Variants in SOCS2 observed in about 807,000 individuals in gnomAD.
SOCS2 encodes CIS-2.
Under a neutral mutation model 18.6 loss-of-function variants are expected in SOCS2, and 10 were observed. That is an observed-to-expected ratio of 0.54 (90% CI 0.33 to 0.91). The LOEUF (loss-of-function observed/expected upper bound fraction) is 0.91. Ranked by LOEUF, SOCS2 falls within the 40% of genes least tolerant of loss-of-function variation. The pLI is 0.02. For synonymous variants in SOCS2, 104 were observed against 104.0 expected (o/e 1.00, Z 0.00); for missense variants, 231 against 247.2 (o/e 0.93, Z 0.44).
chr12:93,614,114 C>G, the SOCS2 span, among the ~76,000 whole-genome samples: 1 of 151,484 alleles, frequency 6.6e-6, no homozygotes, highest in Non-Finnish European at 1.5e-5. Flanking sequence ...TTCATTGATA[C>G]ATGACAGACT....
chr12:93,612,195 T>C, the SOCS2 span, among the ~76,000 whole-genome samples: 33,871 of 152,040 alleles, frequency 0.22, 6,574 homozygotes, highest in African/African-American at 0.51. Context: ...AAAATTTCTC[T>C]GATCTGTCCA....
At chr12:93,608,592 C>T in the SOCS2 span, among the ~76,000 whole-genome samples, 1 of 152,146 alleles carries the variant, frequency 6.6e-6, no homozygotes, top group African/African-American at 2.4e-5. Context: ...ACTTCATATA[C>T]ATGCAGCACT....
chr12:93,614,539 CCTTCTTTCTTTCTTTCTTTCTTTCTTT>C, the SOCS2 span, among the ~76,000 whole-genome samples: 3 of 82,542 alleles, frequency 3.6e-5, no homozygotes, highest in African/African-American at 7.1e-5. Flanking sequence ...TTCCTTCCTT[CCTTCTTTCTTTCTTTCTTTCTTTCTTT>C]CTTTCTTTCT....
the SOCS2 span, among the ~76,000 whole-genome samples, chr12:93,591,337 G>T: frequency 2.6e-5 from 4 of 152,152 alleles, no homozygotes; most frequent in Admixed American, 6.5e-5. Context: ...ACAAGGAACG[G>T]AAATGAATTA....
the SOCS2 span, among the ~76,000 whole-genome samples, chr12:93,612,255 C>T: frequency 6.6e-6 from 1 of 152,220 alleles, no homozygotes; most frequent in Non-Finnish European, 1.5e-5. Context: ...GAATACTCCC[C>T]CTGCCTGAAA....
At chr12:93,573,925 C>T (rs1440420328) in intron 1 of SOCS2, 3 of 152,166 alleles carry the variant, frequency 2.0e-5, no homozygotes, top group Non-Finnish European at 4.4e-5. Flanking sequence ...TCTTAGAAAG[C>T]AGAGTGGGCC....
At chr12:93,586,052 T>C (rs903778893), downstream of SOCS2, among the ~76,000 whole-genome samples, 4 of 152,198 alleles carry the variant, frequency 2.6e-5, no homozygotes, top group African/African-American at 9.7e-5. Context: ...ATTGCTTTTT[T>C]TTCCCTCCCC....
chr12:93,610,881 G>T, the SOCS2 span, among the ~76,000 whole-genome samples: 2 of 152,144 alleles, frequency 1.3e-5, no homozygotes, highest in Non-Finnish European at 2.9e-5. Context: ...AAGTCACCCA[G>T]TCTAAGGTGT....
At chr12:93,572,064 T>G (rs1488244759), upstream of SOCS2, 1 of 196,902 alleles carries the variant, frequency 5.1e-6, no homozygotes, top group East Asian at 1.9e-4. The surrounding 1 kb of genome is among the most constrained non-coding windows in gnomAD (Gnocchi z 5.0). Flanking sequence ...GCAGCCATCC[T>G]GGTCCGGGAG....
At chr12:93,572,384 T>C, upstream of SOCS2, 1 of 328,406 alleles carries the variant, frequency 3.0e-6, no homozygotes, top group Non-Finnish European at 6.0e-6. This position sits in a 1 kb window ranked among gnomAD's most constrained non-coding sequence, Gnocchi z 5.0. Context: ...AGGTGACTAT[T>C]TGCTCTTCCT....
At chr12:93,592,494 G>C in the SOCS2 span, among the ~76,000 whole-genome samples, 2 of 152,154 alleles carry the variant, frequency 1.3e-5, no homozygotes, top group Non-Finnish European at 2.9e-5. Flanking sequence ...CATATATGTT[G>C]AGTACATTCT....
the SOCS2 span, among the ~76,000 whole-genome samples, chr12:93,616,457 G>A: frequency 6.6e-6 from 1 of 152,252 alleles, no homozygotes; most frequent in Non-Finnish European, 1.5e-5. Flanking sequence ...AATTACTGGG[G>A]TTTCTGTTTA....
the SOCS2 span, among the ~76,000 whole-genome samples, chr12:93,618,761 A>T: frequency 6.6e-6 from 1 of 151,936 alleles, no homozygotes; most frequent in African/African-American, 2.4e-5. Context: ...TCTTCACTGT[A>T]TCCAAAGCTA....
At chr12:93,605,633 T>C in the SOCS2 span, among the ~76,000 whole-genome samples, 1 of 152,206 alleles carries the variant, frequency 6.6e-6, no homozygotes, top group African/African-American at 2.4e-5. Context: ...AAAAAGGAAT[T>C]ATGTGAAATG....
the SOCS2 span, among the ~76,000 whole-genome samples, chr12:93,604,580 G>A: frequency 2.0e-5 from 3 of 152,160 alleles, no homozygotes; most frequent in Non-Finnish European, 4.4e-5. Flanking sequence ...ACTTACATTC[G>A]TAAAGTGTTT....
At chr12:93,597,546 C>T in the SOCS2 span, among the ~76,000 whole-genome samples, 3 of 152,150 alleles carry the variant, frequency 2.0e-5, no homozygotes, top group African/African-American at 4.8e-5. Flanking sequence ...AAACTCGTGA[C>T]CTCAAGCGAT....
chr12:93,587,935 G>A (rs975320700), downstream of SOCS2, among the ~76,000 whole-genome samples: 1 of 152,172 alleles, frequency 6.6e-6, no homozygotes, highest in Non-Finnish European at 1.5e-5. Context: ...AGGAGCTATC[G>A]AAGGCTTTTG....
chr12:93,588,586 G>T, the SOCS2 span, among the ~76,000 whole-genome samples: 18 of 151,142 alleles, frequency 1.2e-4, no homozygotes, highest in African/African-American at 3.2e-4. Flanking sequence ...GGAGTTGGAA[G>T]AATTTGTGAG....
At chr12:93,619,468 G>A in the SOCS2 span, among the ~76,000 whole-genome samples, 3 of 152,278 alleles carry the variant, frequency 2.0e-5, no homozygotes, top group East Asian at 5.8e-4. Flanking sequence ...ATGGTTGATC[G>A]AATGAATGAA....
Sources: gnomAD v4.1 joint callset for allele counts (sites outside exome capture counted in the v4.1 genomes callset) on GRCh38, gnomAD v4.1.1 for gene constraint, Gnocchi (gnomAD v3.1) non-coding constraint, MANE v1.5 for transcripts, NCBI Gene and HGNC (gene_info 2026-07-23, HGNC 2026-07-21) for gene names.